The following MACROD1 variants were observed in gnomAD, a reference collection of about 807,000 sequenced individuals.
MACROD1 encodes ADP-ribose glycohydrolase MACROD1.
Under a neutral mutation model 41.4 loss-of-function variants are expected in MACROD1, and 31 were observed. The ratio of observed to expected loss-of-function variants is 0.75; its 90% CI spans 0.56 to 1.01. The LOEUF (loss-of-function observed/expected upper bound fraction) is 1.01. Among genes scored for constraint, MACROD1 ranks in the 50% least tolerant of loss-of-function variants. The probability of loss-of-function intolerance (pLI) is 0.00; values close to 1 mark genes in which losing one functional copy is unlikely to be tolerated. For synonymous variants in MACROD1, 252 were observed against 203.4 expected (o/e 1.24, Z -2.03); for missense variants, 473 against 460.0 (o/e 1.03, Z -0.26).
chr11:64,113,119 T>C (rs1040911059), intron 3 of MACROD1, among the ~76,000 whole-genome samples: 1 of 152,254 alleles, frequency 6.6e-6, no homozygotes, highest in Non-Finnish European at 1.5e-5. Flanking sequence ...TCCTACCTGG[T>C]TCTCAAGTAG....
At chr11:64,132,252 T>C (rs1945276422) in intron 3 of MACROD1, among the ~76,000 whole-genome samples, 1 of 151,200 alleles carries the variant, frequency 6.6e-6, no homozygotes, top group Admixed American at 6.6e-5. Flanking sequence ...CCTGCTGGCT[T>C]TGGGGGGATT....
At chr11:64,070,642 G>A (rs1944091414) in intron 3 of MACROD1, among the ~76,000 whole-genome samples, 1 of 152,142 alleles carries the variant, frequency 6.6e-6, no homozygotes, top group Non-Finnish European at 1.5e-5. Flanking sequence ...CTAACACTCG[G>A]GCTGGGGCCT....
intron 3 of MACROD1, chr11:64,083,142 A>G (rs1263647739): frequency 6.6e-6 from 1 of 152,264 alleles, no homozygotes; most frequent in African/African-American, 2.4e-5. Flanking sequence ...CAGCAGTATA[A>G]TATGTAAATG....
rs376306365 is a variant in MACROD1, at chr11:64,101,095, A to G, written c.517+50144T>C. 2.6e-4 allele frequency among the ~76,000 whole-genome samples: 39 copies of G among 152,072 alleles called. No individual in the cohort carries two copies. The South Asian group carries it at 5.0e-3, about 19-fold the overall frequency. On this transcript the variant is annotated intron_variant, in intron 3 of 10. Transcript: ENST00000255681. ...CTTTTCATGCTCCGTTGTTGCTGTC[A>G]TGGTTCACAGGACCACACAAGCCAA...
intron 3 of MACROD1, among the ~76,000 whole-genome samples, chr11:64,074,140 G>A (rs552534457): frequency 1.1e-4 from 16 of 152,328 alleles, no homozygotes; most frequent in African/African-American, 3.6e-4. Flanking sequence ...AATGTCACAA[G>A]TAGACATGAA....
At chr11:64,083,653 T>G (rs898612812) in intron 3 of MACROD1, among the ~76,000 whole-genome samples, 5 of 152,224 alleles carry the variant, frequency 3.3e-5, no homozygotes, top group African/African-American at 1.2e-4. Context: ...CGCAGTGAGA[T>G]GCCAACGCCG....
At chr11:64,070,951 G>T (rs1944098227) in intron 3 of MACROD1, among the ~76,000 whole-genome samples, 1 of 152,140 alleles carries the variant, frequency 6.6e-6, no homozygotes. Context: ...AGACCAAGGA[G>T]GGGCTGTCTT....
chr11:64,165,209 C>T (rs138602743), intron 1 of MACROD1, among the ~76,000 whole-genome samples: 1 of 152,156 alleles, frequency 6.6e-6, no homozygotes, highest in Non-Finnish European at 1.5e-5. Context: ...CCAGGTGGGA[C>T]GCCAGCCCCG....
intron 3 of MACROD1, among the ~76,000 whole-genome samples, chr11:64,017,281 A>C (rs1224800362): frequency 2.6e-5 from 4 of 152,130 alleles, no homozygotes; most frequent in African/African-American, 7.2e-5. Context: ...ATGAATGTAC[A>C]TTTCTGCTGA....
intron 1 of MACROD1, among the ~76,000 whole-genome samples, chr11:64,158,383 T>C (rs1945701790): frequency 6.6e-6 from 1 of 152,160 alleles, no homozygotes; most frequent in South Asian, 2.1e-4. Context: ...CCATGATATA[T>C]AAAATCATTT....
At position 64,165,871 on chromosome 11, in the gene MACROD1, A is replaced by C. The variant is rs1945834896; in HGVS notation, c.124T>G (p.Cys42Gly). The C allele has an allele frequency of 7.0e-7, 1 of 1,434,872 alleles. No homozygotes were observed. Among genetic ancestry groups the C allele is most frequent in the South Asian group, 1.4e-5 (1 of 69,374 alleles). 88.9% of individuals were successfully genotyped at this position (1,434,872 alleles called of 1,614,324 possible). ...ACGCCCAGGAACGCCGGGGGACCGC[A>C]CGTGCTGCTGCGGGTCCTCGTGGCA... ...AGATRTRSST[C>G]GPPAFLGVFG... is the part of the protein sequence containing the mutation. Residue 42 changes from cysteine (C) to glycine (G), a missense_variant, in exon 1 of 11, where the codon TGC (cysteine) becomes GGC (glycine). Physicochemically the swap from Cys to Gly is radical, Grantham distance 159 (BLOSUM62 -3). Transcript: ENST00000255681.
chr11:64,083,659 C>T lies in MACROD1; in HGVS notation c.517+67580G>A, dbSNP rs994247857. ...ATGAGAGGCCGCAGTGAGATGCCAACGCCGGGTCAGAGCTAGGACCTGGTT... is the reference window on the plus strand; with the variant it reads ...ATGAGAGGCCGCAGTGAGATGCCAATGCCGGGTCAGAGCTAGGACCTGGTT... On this transcript the variant is annotated intron_variant, in intron 3 of 10. Coordinates refer to ENST00000255681, the MANE Select transcript of MACROD1 (RefSeq NM_014067.4). Among the ~76,000 whole-genome samples the T allele has an allele frequency of 5.9e-5, 9 of 152,316 alleles. No individual in the cohort carries two copies. In the East Asian group the frequency reaches 1.2e-3, roughly 20 times the overall value.
intron 3 of MACROD1, among the ~76,000 whole-genome samples, chr11:64,066,921 G>A (rs1034693525): frequency 3.9e-5 from 6 of 152,184 alleles, no homozygotes; most frequent in Admixed American, 1.3e-4. Flanking sequence ...CGGAGCCCAC[G>A]CCCCAGCCCA....
At chr11:64,105,563 C>A (rs1944746999) in intron 3 of MACROD1, among the ~76,000 whole-genome samples, 1 of 152,132 alleles carries the variant, frequency 6.6e-6, no homozygotes, top group Non-Finnish European at 1.5e-5. Flanking sequence ...ATGACGTGCC[C>A]AACACTCAGG....
intron 3 of MACROD1, among the ~76,000 whole-genome samples, chr11:64,109,191 A>G (rs1292795624): frequency 6.6e-6 from 1 of 152,116 alleles, no homozygotes; most frequent in East Asian, 1.9e-4. Flanking sequence ...CTCCTGGGAC[A>G]TGCCTGTGAA....
chr11:64,108,326 A>G (rs1354902413), intron 3 of MACROD1, among the ~76,000 whole-genome samples: 2 of 151,928 alleles, frequency 1.3e-5, no homozygotes, highest in East Asian at 3.9e-4. Context: ...AAAAAAAAAA[A>G]AAAGACTTGA....
At chr11:64,049,053 A>G (rs996211165) in intron 3 of MACROD1, among the ~76,000 whole-genome samples, 55 of 131,952 alleles carry the variant, frequency 4.2e-4, no homozygotes, top group African/African-American at 1.8e-3. Context: ...CAGATCACAT[A>G]TTTGTCCTTC....
chr11:64,165,768 C>T lies in MACROD1; in HGVS notation c.227G>A (p.Arg76His). 1 of 1,496,706 alleles carries T rather than the reference C, an allele frequency of 6.7e-7. No individual in the cohort carries two copies. Among genetic ancestry groups the T allele is most frequent in the South Asian group, 1.3e-5 (1 of 74,878 alleles). The allele number at this position is 1,496,706 out of a possible 1,614,324, so 92.7% of individuals were successfully genotyped here. ...CGCCATGGCCAGGGGGGCCCAAGTG[C>T]GCACCCCGGCTGTCCGCCCCACCGC... ...AAAVGRTAGV[R>H]TWAPLAMAAK... The change falls in exon 1 of 11, where the codon CGC becomes CAC. Residue 76 changes from arginine (R) to histidine (H), a missense_variant. Transcript: ENST00000255681.
chr11:64,116,282 C>A (rs1944978166), intron 3 of MACROD1: 2 of 1,598,080 alleles, frequency 1.3e-6, no homozygotes, highest in African/African-American at 1.3e-5. Flanking sequence ...TGGTGGCACA[C>A]CCCACCGCCA....
Sources: allele counts gnomAD v4.1 joint callset (sites outside exome capture counted in the v4.1 genomes callset), GRCh38; gene constraint gnomAD v4.1.1; transcripts MANE v1.5; gene names NCBI Gene and HGNC (gene_info 2026-07-23, HGNC 2026-07-21).